PLEK2: variants seen among roughly 807,000 people sequenced by gnomAD.
PLEK2 encodes pleckstrin-2.
Under a neutral mutation model 43.8 loss-of-function variants are expected in PLEK2, and 29 were observed. The ratio of observed to expected loss-of-function variants is 0.66; its 90% CI spans 0.49 to 0.90. PLEK2 has a LOEUF of 0.90. Among genes scored for constraint, PLEK2 ranks in the 40% least tolerant of loss-of-function variants. The probability of loss-of-function intolerance (pLI) is 0.00; values close to 1 mark genes in which losing one functional copy is unlikely to be tolerated. For missense variants in PLEK2, 398 were observed against 448.1 expected (o/e 0.89, Z 1.01); for synonymous variants, 162 against 173.2 (o/e 0.94, Z 0.51).
At chr14:67,401,850 G>A (rs904813056) in intron 1 of PLEK2, among the ~76,000 whole-genome samples, 1 of 152,274 alleles carries the variant, frequency 6.6e-6, no homozygotes, top group Admixed American at 6.5e-5. Context: ...ACAGGCCGGC[G>A]CGGTGGCTCA....
At position 67,411,995 on chromosome 14, in the gene PLEK2, C is replaced by G. The variant is rs1353215361; in HGVS notation, c.42+23G>C. On this transcript the variant is annotated intron_variant, in intron 1 of 8. Transcript: ENST00000216446. ...CGGCGGGGCCCCACCCGGGCAATGTCCCGAAGCTCGACGCGCACTCACCCT... is the reference window on the plus strand; with the variant it reads ...CGGCGGGGCCCCACCCGGGCAATGTGCCGAAGCTCGACGCGCACTCACCCT... 3 of 1,537,558 alleles carry G rather than the reference C, an allele frequency of 2.0e-6. No homozygotes were observed. In the South Asian group the frequency reaches 3.6e-5, roughly 19 times the overall value.
chr14:67,393,322 G>A (rs986117031), intron 3 of PLEK2, 81 bp from the exon 4 acceptor site: 217 of 933,746 alleles, frequency 2.3e-4, no homozygotes, highest in Non-Finnish European at 3.6e-4. Context: ...CACTGCTAAG[G>A]GTATAAAGCA....
chr14:67,391,271 A>ATGTATGTGTG (rs1555348804), intron 6 of PLEK2, among the ~76,000 whole-genome samples: 3 of 143,800 alleles, frequency 2.1e-5, no homozygotes, highest in African/African-American at 7.8e-5. Flanking sequence ...AGCAGCTGAT[A>ATGTATGTGTG]TGTGTGTGTG....
chr14:67,410,504 A>G (rs2086109585), intron 1 of PLEK2, among the ~76,000 whole-genome samples: 1 of 152,202 alleles, frequency 6.6e-6, no homozygotes, highest in South Asian at 2.1e-4. Flanking sequence ...GTTCAGCCAC[A>G]GTGGCAAGTG....
chr14:67,395,329 A>G, intron 3 of PLEK2, 73 bp downstream of exon 3: 1 of 1,358,118 alleles, frequency 7.4e-7, no homozygotes, highest in Non-Finnish European at 1.0e-6. Flanking sequence ...AGCCCCCCCA[A>G]GGGGCAGGGT....
At position 67,397,703 on chromosome 14, in the gene PLEK2, A is replaced by G; in HGVS notation, c.166T>C (p.Cys56Arg). 1.9e-6 allele frequency: 3 copies of G among 1,613,540 alleles called. No homozygotes were observed. Among genetic ancestry groups the G allele is most frequent in the African/African-American group, 1.3e-5 (1 of 75,060 alleles). The part of the protein sequence containing the change: ...PPKGRILLDG[C>R]TITCPCLEYE... ...TCCAGGCAGGGGCAGGTGATGGTGC[A>G]GCCATCCAGGAGGATCCGGCCCTTG... Residue 56 changes from cysteine (C) to arginine (R), a missense_variant, in exon 2 of 9, where the codon TGC (cysteine) becomes CGC (arginine). Physicochemically the swap from Cys to Arg is radical, Grantham distance 180. Transcript: ENST00000216446.
chr14:67,395,271 G>T, intron 3 of PLEK2, 131 bp downstream of exon 3: 1 of 716,420 alleles, frequency 1.4e-6, no homozygotes. Context: ...ACAGCTGAAG[G>T]CCCTGAAGCA....
chr14:67,410,670 G>C (rs974166034), intron 1 of PLEK2, among the ~76,000 whole-genome samples: 1 of 152,208 alleles, frequency 6.6e-6, no homozygotes, highest in African/African-American at 2.4e-5. Flanking sequence ...AAATGAAAGT[G>C]ATGTGAGACT....
chr14:67,392,268 C>T, intron 6 of PLEK2, 58 bp downstream of exon 6: 3 of 1,143,892 alleles, frequency 2.6e-6, no homozygotes, highest in Non-Finnish European at 4.0e-6. Context: ...GGGCTCACTG[C>T]TCCCTCCCCT....
At chr14:67,394,844 C>A (rs2085994725) in intron 3 of PLEK2, among the ~76,000 whole-genome samples, 1 of 152,236 alleles carries the variant, frequency 6.6e-6, no homozygotes, top group African/African-American at 2.4e-5. Context: ...GGGAATGGGA[C>A]TGGTGGCTTT....
In PLEK2 at chr14:67,387,466, A is replaced by G; in HGVS notation, c.935-10T>C. The G allele has an allele frequency of 6.3e-7, 1 of 1,597,202 alleles. No homozygotes were observed. Among genetic ancestry groups the G allele is most frequent in the Non-Finnish European group, 8.5e-7 (1 of 1,174,408 alleles). ...ACATTCCCTTTAACCCCTAGGCAGA[A>G]AAAAGGGGGAAAAAAATCAGTGATT... On this transcript the variant is annotated splice_polypyrimidine_tract_variant and intron_variant, in intron 8 of 8. Transcript: ENST00000216446.
At chr14:67,397,849 T>C in intron 1 of PLEK2, 23 bp from the exon 2 acceptor site, 3 of 1,589,890 alleles carry the variant, frequency 1.9e-6, no homozygotes, top group African/African-American at 1.3e-5. Flanking sequence ...AAGAAAGCCC[T>C]GAGGTGAGGC....
rs770402118 is a variant in PLEK2 at position 67,397,744 on chromosome 14, C to T, written c.125G>A (p.Arg42Gln). 13 of 1,612,844 alleles carry T rather than the reference C, an allele frequency of 8.1e-6. No individual in the cohort carries two copies. Among genetic ancestry groups the T allele is most frequent in the Middle Eastern group, 1.7e-4 (1 of 6,058 alleles). ...CCGGCCCTTGGGAGGGGTCACTCTCCGACCCCCCTCAAGCTTGTAGTACAC... is the reference window on the plus strand; with the variant it reads ...CCGGCCCTTGGGAGGGGTCACTCTCTGACCCCCCTCAAGCTTGTAGTACAC... ...TLVYYKLEGG[R>Q]RVTPPKGRIL... Residue 42 changes from arginine (R) to glutamine (Q), a missense_variant, in exon 2 of 9, where the codon CGG (arginine) becomes CAG (glutamine). By Grantham distance (43) the Arg-to-Gln change is conservative. Transcript: ENST00000216446.
At chr14:67,399,886 T>C (rs2139872770) in intron 1 of PLEK2, among the ~76,000 whole-genome samples, 1 of 152,246 alleles carries the variant, frequency 6.6e-6, no homozygotes, top group Middle Eastern at 3.4e-3. Context: ...GGAATGAGTT[T>C]AGTACACAGT....
intron 1 of PLEK2, among the ~76,000 whole-genome samples, chr14:67,411,647 TC>T (rs898453893): frequency 1.3e-5 from 2 of 152,230 alleles, no homozygotes; most frequent in Non-Finnish European, 2.9e-5. Flanking sequence ...GTAGCATTCC[TC>T]CTTCACAGGT....
rs924695995 is a variant in PLEK2, at chr14:67,387,085, C to T, written c.*244G>A. 7.6e-5 allele frequency: 25 copies of T among 329,432 alleles called. No homozygotes were observed. The highest frequency in any genetic ancestry group is 1.0e-4 in the Non-Finnish European group (19 of 182,206). The allele number at this position is 329,432 out of a possible 1,614,324, so 20.4% of individuals were successfully genotyped here. A position where few individuals can be genotyped will look rare whatever the true frequency, so the allele number is the denominator to read the frequency against. ...CCCGAGGAAATGGCTGTTTGTGATG[C>T]TGGGGAAAAGTCAAGATGCTGACGC... On this transcript the variant is annotated 3_prime_UTR_variant, in exon 9 of 9. Transcript: ENST00000216446.
chr14:67,409,429 G>GA (rs1200239353), intron 1 of PLEK2, among the ~76,000 whole-genome samples: 3 of 152,140 alleles, frequency 2.0e-5, no homozygotes, highest in African/African-American at 7.2e-5. Flanking sequence ...AGCTTTTACA[G>GA]AGCTTTACAA....
At position 67,388,348 on chromosome 14, in the gene PLEK2, A is replaced by G. The variant is rs746049948; in HGVS notation, c.856-46T>C. The G allele has an allele frequency of 2.5e-6, 3 of 1,196,972 alleles. No homozygotes were observed. The East Asian group carries it at 7.0e-5, about 28-fold the overall frequency. The allele number at this position is 1,196,972 out of a possible 1,614,324, so 74.1% of individuals were successfully genotyped here. A position where few individuals can be genotyped will look rare whatever the true frequency, so the allele number is the denominator to read the frequency against. On this transcript the variant is annotated intron_variant, in intron 7 of 8. Transcript: ENST00000216446. ...AATTAGGAATTTGTGAATGAACAAAAGGGAAGAGTTGCACTCCCCTTACAA... is the reference window on the plus strand; with the variant it reads ...AATTAGGAATTTGTGAATGAACAAAGGGGAAGAGTTGCACTCCCCTTACAA...
intron 1 of PLEK2, among the ~76,000 whole-genome samples, chr14:67,402,250 G>T (rs1224121194): frequency 2.0e-5 from 3 of 152,122 alleles, no homozygotes; most frequent in African/African-American, 4.8e-5. Flanking sequence ...CATGCATGGG[G>T]CATTGATGTA....
Sources: gnomAD v4.1 joint callset for allele counts (sites outside exome capture counted in the v4.1 genomes callset) on GRCh38, gnomAD v4.1.1 for gene constraint, MANE v1.5 for transcripts, NCBI Gene and HGNC (gene_info 2026-07-23, HGNC 2026-07-21) for gene names.